SYTL2: variants seen among roughly 807,000 people sequenced by gnomAD.
SYTL2 encodes the protein synaptotagmin-like protein 2.
In SYTL2, 165 loss-of-function variants were observed where a neutral mutation model predicts 198.7. The observed-to-expected ratio is 0.83, with a 90% CI of 0.73 to 0.94. SYTL2 has a LOEUF of 0.94. Ranked by LOEUF, SYTL2 falls within the 40% of genes least tolerant of loss-of-function variation. The pLI is 0.00. For missense variants in SYTL2, 2,835 were observed against 2,582.8 expected, an observed-to-expected ratio of 1.10 and a Z score of -2.12; for synonymous variants, 966 against 917.7, an observed-to-expected ratio of 1.05 and a Z score of -0.95.
intron 3 of SYTL2, among the ~76,000 whole-genome samples, chr11:85,747,306 A>G (rs572842580): frequency 1.4e-5 from 2 of 147,718 alleles, no homozygotes; most frequent in East Asian, 4.0e-4. Context: ...AAAAAAAAAG[A>G]CATAAAAATA....
chr11:85,728,135 G>T, intron 7 of SYTL2, 168 bp from the exon 8 acceptor site: 1 of 601,312 alleles, frequency 1.7e-6, no homozygotes, highest in Non-Finnish European at 2.8e-6. Context: ...CCTAATTAAG[G>T]TATTCTACCA....
chr11:85,734,306 C>A lies in SYTL2; in HGVS notation c.1023G>T (p.Glu341Asp). 6.2e-7 allele frequency: 1 copy of A among 1,614,234 alleles called. No homozygotes were observed. Residue 341 changes from glutamate (E) to aspartate (D), a missense_variant, in exon 7 of 20, where the codon GAG (glutamate) becomes GAT (aspartate). Physicochemically the swap from Glu to Asp is conservative, Grantham distance 45. This residue lies in a region of SYTL2 where 2,645 missense variants were observed against 2,381.7 expected (regional missense o/e 1.11). Coordinates refer to ENST00000359152, the MANE Select transcript of SYTL2 (RefSeq NM_206927.4). ...GGATTAGCCCAGGACTCTGTGGAAG[C>A]TCATCCTTCACTGCAGAGAATCTCA... ...KHVRFSAVKD[E>D]LPQSPGLIHG...
chr11:85,796,233 A>G (rs568658370), intron 1 of SYTL2, among the ~76,000 whole-genome samples: 2 of 152,332 alleles, frequency 1.3e-5, no homozygotes, highest in Non-Finnish European at 2.9e-5. Context: ...AATTTTTCTT[A>G]TCTAGGTTAT....
intron 2 of SYTL2, among the ~76,000 whole-genome samples, chr11:85,752,775 G>C (rs2091591587): frequency 6.6e-6 from 1 of 151,774 alleles, no homozygotes; most frequent in Non-Finnish European, 1.5e-5. Context: ...CAGCTACACT[G>C]TTTTGAAGAT....
chr11:85,734,624 G>A lies in SYTL2; in HGVS notation c.705C>T (p.Ile235=). 1.9e-6 allele frequency: 3 copies of A among 1,614,124 alleles called. No individual in the cohort carries two copies. The highest frequency in any genetic ancestry group is 2.5e-6 in the Non-Finnish European group (3 of 1,180,020). ...TGTAGATCATCTTCCTGGCTTTGGG[G>A]ATTGGAGCCTTGATTTGGGACCCAT... ...LSNGSQIKAP[I]PKARKMIYKS... is the part of the protein sequence containing the mutation. The change falls in exon 7 of 20, where the codon ATC becomes ATT. Residue 235 remains isoleucine, a synonymous_variant. Coordinates refer to ENST00000359152, the MANE Select transcript of SYTL2 (RefSeq NM_206927.4).
the SYTL2 span, among the ~76,000 whole-genome samples, chr11:85,829,047 C>T: frequency 9.9e-6 from 1 of 100,988 alleles, no homozygotes; most frequent in Non-Finnish European, 1.9e-5. Context: ...AAAAAGAGCT[C>T]TGTTTTTTTT....
chr11:85,789,777 A>C (rs2092703734), intron 1 of SYTL2, among the ~76,000 whole-genome samples: 1 of 152,144 alleles, frequency 6.6e-6, no homozygotes, highest in Non-Finnish European at 1.5e-5. Flanking sequence ...CAGATTCCGA[A>C]CAAATGTGGA....
the SYTL2 span, among the ~76,000 whole-genome samples, chr11:85,847,009 C>T: frequency 6.6e-6 from 1 of 152,206 alleles, no homozygotes; most frequent in Admixed American, 6.5e-5. Context: ...GCTGAGATTA[C>T]AGGCATGAGC....
chr11:85,746,061 T>C (rs1167705405), intron 3 of SYTL2, among the ~76,000 whole-genome samples: 1 of 152,198 alleles, frequency 6.6e-6, no homozygotes, highest in Non-Finnish European at 1.5e-5. Flanking sequence ...GCCTCTAGGT[T>C]AATCTGAACT....
At chr11:85,816,329 A>G in the SYTL2 span, among the ~76,000 whole-genome samples, 1 of 152,234 alleles carries the variant, frequency 6.6e-6, no homozygotes, top group African/African-American at 2.4e-5. Context: ...GGTTTCCTCT[A>G]TAACTGTTTT....
At chr11:85,840,666 C>T in the SYTL2 span, among the ~76,000 whole-genome samples, 1 of 152,110 alleles carries the variant, frequency 6.6e-6, no homozygotes, top group African/African-American at 2.4e-5. Context: ...GGAAAACTGG[C>T]TAGCCATATG....
the SYTL2 span, among the ~76,000 whole-genome samples, chr11:85,836,901 C>T: frequency 9.2e-5 from 14 of 152,110 alleles, no homozygotes; most frequent in Admixed American, 7.2e-4. Context: ...GATACATAGA[C>T]ATATATTCCT....
chr11:85,743,587 A>T (rs1211367680), intron 4 of SYTL2, among the ~76,000 whole-genome samples: 2 of 152,200 alleles, frequency 1.3e-5, no homozygotes, highest in Non-Finnish European at 2.9e-5. Context: ...TGATTTACAG[A>T]TGAGACCTGA....
intron 8 of SYTL2, among the ~76,000 whole-genome samples, chr11:85,723,750 T>C (rs2153460239): frequency 6.6e-6 from 1 of 152,300 alleles, no homozygotes; most frequent in Middle Eastern, 3.4e-3. Flanking sequence ...TTTTACGTAA[T>C]GCATTTGATT....
At position 85,705,271 on chromosome 11, in the gene SYTL2, T is replaced by C. The variant is rs558597410; in HGVS notation, c.6019-243A>G. The C allele has an allele frequency of 6.4e-5, 23 of 359,132 alleles. No homozygotes were observed. In the South Asian group the frequency reaches 1.5e-3, roughly 23 times the overall value. The allele number at this position is 359,132 out of a possible 1,614,324, so 22.2% of individuals were successfully genotyped here. On this transcript the variant is annotated intron_variant, in intron 15 of 19. Coordinates refer to ENST00000359152, the MANE Select transcript of SYTL2 (RefSeq NM_206927.4). Reference sequence around the variant, plus strand: ...AAAGCAAACCAAGGCTCAGATATCATAGTTGGTAATAGCTCTCTAACAATA... The same window carrying C: ...AAAGCAAACCAAGGCTCAGATATCACAGTTGGTAATAGCTCTCTAACAATA...
the SYTL2 span, among the ~76,000 whole-genome samples, chr11:85,817,996 C>T: frequency 2.7e-5 from 4 of 150,792 alleles, no homozygotes; most frequent in South Asian, 2.1e-4. Flanking sequence ...CTCTACCTCC[C>T]GGATTCAGCG....
chr11:85,725,791 C>T lies in SYTL2; in HGVS notation c.3567G>A (p.Lys1189=), dbSNP rs752339355. 1 of 1,614,144 alleles carries T rather than the reference C, an allele frequency of 6.2e-7. No homozygotes were observed. The highest frequency in any genetic ancestry group is 1.1e-5 in the South Asian group (1 of 91,084). ...TTTTGTCAACATGCTCATTAATGAT[C>T]TTCTCAGGTCCTTTGACTTCTTCCT... ...DTEEEVKGPE[K]IINEHVDKTV... The change falls in exon 8 of 20, where the codon AAG becomes AAA. Residue 1189 remains lysine (K), a synonymous_variant. Transcript: ENST00000359152.
chr11:85,764,201 T>C (rs867435421), intron 1 of SYTL2, among the ~76,000 whole-genome samples: 5 of 152,200 alleles, frequency 3.3e-5, no homozygotes, highest in Admixed American at 2.0e-4. Context: ...CCCCACCTCT[T>C]CTTAGTTGAG....
chr11:85,710,233 A>G (rs1591633503), intron 13 of SYTL2, among the ~76,000 whole-genome samples: 1 of 152,154 alleles, frequency 6.6e-6, no homozygotes, highest in South Asian at 2.1e-4. Context: ...TTACCATGTT[A>G]CCCATCCACT....
Sources: gnomAD v4.1 joint callset for allele counts (sites outside exome capture counted in the v4.1 genomes callset) on GRCh38, gnomAD v4.1.1 for gene constraint, gnomAD v4.1.1 regional missense constraint, MANE v1.5 for transcripts, NCBI Gene and HGNC (gene_info 2026-07-23, HGNC 2026-07-21) for gene names.